Variants in MTBP observed in about 807,000 individuals in gnomAD.
The protein encoded by MTBP is mdm2-binding protein.
MTBP carries 101 observed loss-of-function variants against 117.0 expected under a neutral mutation model. The ratio of observed to expected loss-of-function variants is 0.86; its 90% CI spans 0.73 to 1.02. The LOEUF is 1.02. Among genes scored for constraint, MTBP ranks in the 50% least tolerant of loss-of-function variants. The pLI, the probability that MTBP is intolerant of heterozygous loss-of-function variation, is 0.00. For missense variants in MTBP, 970 were observed against 1,030.9 expected (o/e 0.94, Z 0.81); for synonymous variants, 350 against 351.5 (o/e 1.00, Z 0.05).
At position 120,523,379 on chromosome 8, in the gene MTBP, C is replaced by CTT. The variant is rs1563808720; in HGVS notation, c.*44_*45insTT. 1 of 1,157,006 alleles carries CTT rather than the reference C, an allele frequency of 8.6e-7. No homozygotes were observed. The highest frequency in any genetic ancestry group is 1.2e-6 in the Non-Finnish European group (1 of 816,410). 71.7% of individuals were successfully genotyped at this position (1,157,006 alleles called of 1,614,324 possible). Reference sequence around the variant, plus strand: ...TAAGACAATTATAAATTGGATGGAGCTATTATTCACTACTTCTTTTCTTAG... The same window carrying CTT: ...TAAGACAATTATAAATTGGATGGAGCTTTATTATTCACTACTTCTTTTCTTAG... On this transcript the variant is annotated 3_prime_UTR_variant, in exon 22 of 22. Coordinates refer to ENST00000305949, the MANE Select transcript of MTBP (RefSeq NM_022045.5).
Position 120,518,802 on chromosome 8 carries a change from T to C in MTBP, c.2595T>C (p.Ser865=). The stretch of plus-strand genomic sequence containing the variant: ...GCAGCCAGCGTCTCTTTGAAATCTC[T>C]AAGTTCTATCTAAAGGTACGGTATC... The part of the protein sequence containing the change: ...TACSQRLFEI[S]KFYLKDLKTS... The change falls in exon 20 of 22, where the codon TCT becomes TCC. Residue 865 remains serine, a synonymous_variant. Transcript: ENST00000305949. The C allele has an allele frequency of 1.9e-6, 3 of 1,610,106 alleles. No homozygotes were observed. Among genetic ancestry groups the C allele is most frequent in the African/African-American group, 1.3e-5 (1 of 74,884 alleles).
In MTBP at chr8:120,516,023, G is replaced by A. The variant is rs1814911097; in HGVS notation, c.2078G>A (p.Arg693Lys). ...TATGAAACTCAAACTACCTGCACCA[G>A]AGAAAGTTTTCCAGTACCTACTGTG... ...IRYETQTTCT[R>K]ESFPVPTVLS... is the part of the protein sequence containing the mutation. Residue 693 changes from arginine to lysine, a missense_variant, in exon 18 of 22, where the codon AGA becomes AAA. Transcript: ENST00000305949. 1 of 1,613,116 alleles carries A rather than the reference G, an allele frequency of 6.2e-7. No homozygotes were observed. The highest frequency in any genetic ancestry group is 8.5e-7 in the Non-Finnish European group (1 of 1,179,316).
chr8:120,473,190 T>C (rs2130552129), intron 11 of MTBP: 1 of 152,334 alleles, frequency 6.6e-6, no homozygotes, highest in Non-Finnish European at 1.5e-5. Flanking sequence ...TTTAAATTTG[T>C]ATTCTTCTTG....
chr8:120,508,330 G>T (rs1034010139), intron 16 of MTBP, among the ~76,000 whole-genome samples: 4 of 152,076 alleles, frequency 2.6e-5, no homozygotes, highest in African/African-American at 9.7e-5. Context: ...AGAAAAACTT[G>T]TGAGTGAAAT....
At chr8:120,452,966 T>C (rs990565458) in intron 4 of MTBP, 1 of 152,168 alleles carries the variant, frequency 6.6e-6, no homozygotes, top group African/African-American at 2.4e-5. Flanking sequence ...GGGTTTATAG[T>C]AAAGGATTTA....
intron 10 of MTBP, among the ~76,000 whole-genome samples, chr8:120,468,302 T>C (rs1813743154): frequency 6.6e-6 from 1 of 152,212 alleles, no homozygotes; most frequent in Non-Finnish European, 1.5e-5. Context: ...AAAGTAATTA[T>C]GGTTTCAGAC....
intron 2 of MTBP, among the ~76,000 whole-genome samples, chr8:120,447,184 G>A (rs1435258399): frequency 6.6e-6 from 1 of 152,034 alleles, no homozygotes; most frequent in Non-Finnish European, 1.5e-5. Context: ...AAAAACTGAA[G>A]GAAGTTTCTT....
At chr8:120,476,780 A>T (rs1178094076) in intron 11 of MTBP, among the ~76,000 whole-genome samples, 1 of 152,234 alleles carries the variant, frequency 6.6e-6, no homozygotes, top group Non-Finnish European at 1.5e-5. Flanking sequence ...AGACTATTTC[A>T]TGCTCATAGA....
In MTBP at chr8:120,490,555, T is replaced by G. The variant is rs148151530; in HGVS notation, c.1432T>G (p.Leu478Val). Residue 478 changes from leucine (L) to valine (V), a missense_variant, in exon 13 of 22, where the codon TTG becomes GTG. Transcript: ENST00000305949. The stretch of plus-strand genomic sequence containing the variant: ...GTTAGCTAATGTTCAAGTTTTAGCT[T>G]TGGAAGAATGCCTAAGTAAGTAACA... ...KQLANVQVLA[L>V]EECLKRRKLA... 3,237 of 1,599,320 alleles carry G rather than the reference T, an allele frequency of 2.0e-3. 25 individuals are homozygous for G. The highest frequency in any genetic ancestry group is 8.1e-3 in the South Asian group (712 of 87,820).
At position 120,479,327 on chromosome 8, in the gene MTBP, A is replaced by G. The variant is rs550877943; in HGVS notation, c.1165+8390A>G. Among the ~76,000 whole-genome samples, 7 of 152,360 alleles carry G rather than the reference A, an allele frequency of 4.6e-5. No individual in the cohort carries two copies. The South Asian group carries it at 1.2e-3, about 27-fold the overall frequency. ...ACAGATAAGGTTAAAATAGCACAGT[A>G]CAAGTGATCTATAAATTTCATCTTG... On this transcript the variant is annotated intron_variant, in intron 11 of 21. Transcript: ENST00000305949.
chr8:120,509,016 T>C (rs1276650818), intron 16 of MTBP, among the ~76,000 whole-genome samples: 5 of 152,142 alleles, frequency 3.3e-5, no homozygotes, highest in Non-Finnish European at 7.3e-5. Flanking sequence ...ACTCGACATA[T>C]GATTAGTTCT....
Position 120,507,740 on chromosome 8 carries a change from T to C in MTBP, c.1883+879T>C, listed in dbSNP as rs184483006. ...GAGAGAGATAAAGAGCAACTGAAAA[T>C]TTGAGAGTCTTAATGACTTAATGAT... On this transcript the variant is annotated intron_variant, in intron 16 of 21. Transcript: ENST00000305949. Among the ~76,000 whole-genome samples, 775 of 152,228 alleles carry C rather than the reference T, an allele frequency of 5.1e-3. 10 individuals carry two copies. Among genetic ancestry groups the C allele is most frequent in the African/African-American group, 0.018 (734 of 41,568 alleles).
Position 120,523,393 on chromosome 8 carries a change from T to G in MTBP, c.*57T>G. 1 of 1,068,714 alleles carries G rather than the reference T, an allele frequency of 9.4e-7. No homozygotes were observed. The highest frequency in any genetic ancestry group is 2.6e-5 in the East Asian group (1 of 38,454). The allele number at this position is 1,068,714 out of a possible 1,614,324, so 66.2% of individuals were successfully genotyped here. On this transcript the variant is annotated 3_prime_UTR_variant, in exon 22 of 22. Transcript: ENST00000305949. ...ATTGGATGGAGCTATTATTCACTACTTCTTTTCTTAGTTTGAAAATTATAA... is the reference window on the plus strand; with the variant it reads ...ATTGGATGGAGCTATTATTCACTACGTCTTTTCTTAGTTTGAAAATTATAA...
At chr8:120,515,696 AAG>A (rs1225370269) in intron 17 of MTBP, among the ~76,000 whole-genome samples, 2 of 152,044 alleles carry the variant, frequency 1.3e-5, no homozygotes, top group Non-Finnish European at 2.9e-5. Flanking sequence ...ACACAAGTGA[AAG>A]AGAAACACAA....
chr8:120,473,146 T>G (rs908265303), intron 11 of MTBP: 1 of 152,226 alleles, frequency 6.6e-6, no homozygotes, highest in Non-Finnish European at 1.5e-5. Context: ...ACAATGTAAA[T>G]GCTATGTAAA....
At chr8:120,449,841 A>G (rs1586934943) in intron 2 of MTBP, among the ~76,000 whole-genome samples, 1 of 152,328 alleles carries the variant, frequency 6.6e-6, no homozygotes, top group Admixed American at 6.5e-5. Flanking sequence ...GTAACAAGTC[A>G]GTTATTGGTG....
chr8:120,506,595 G>A, intron 15 of MTBP, 111 bp from the exon 16 acceptor site: 1 of 737,656 alleles, frequency 1.4e-6, no homozygotes, highest in Non-Finnish European at 2.0e-6. Context: ...GTGTTTTTCT[G>A]GTTTCTGCTC....
chr8:120,476,884 C>G (rs1436612935), intron 11 of MTBP, among the ~76,000 whole-genome samples: 2 of 152,138 alleles, frequency 1.3e-5, no homozygotes, highest in Non-Finnish European at 2.9e-5. Flanking sequence ...ACTTTCTTCA[C>G]AGAATTAGAA....
intron 2 of MTBP, among the ~76,000 whole-genome samples, chr8:120,447,616 A>G (rs532331209): frequency 1.1e-4 from 16 of 152,302 alleles, no homozygotes; most frequent in African/African-American, 3.6e-4. Flanking sequence ...ATAATCAATG[A>G]GAAAAATTAG....
Sources: allele counts gnomAD v4.1 joint callset (sites outside exome capture counted in the v4.1 genomes callset), GRCh38; gene constraint gnomAD v4.1.1; transcripts MANE v1.5; gene names NCBI Gene and HGNC (gene_info 2026-07-23, HGNC 2026-07-21).